The following ZSCAN4 variants were observed in gnomAD, a reference collection of about 807,000 sequenced individuals.
ZSCAN4 encodes zinc finger and SCAN domain-containing protein 4.
A neutral mutation model predicts 18.3 loss-of-function variants in ZSCAN4; 18 were observed. That is an observed-to-expected ratio of 0.98 (90% confidence interval 0.68 to 1.46). The LOEUF is 1.46. Ranked by LOEUF, ZSCAN4 falls within the 40% of genes most tolerant of loss-of-function variation. The pLI, the probability that ZSCAN4 is intolerant of heterozygous loss-of-function variation, is 0.00. For missense variants in ZSCAN4, 498 were observed against 511.4 expected, an observed-to-expected ratio of 0.97 and a Z score of 0.25; for synonymous variants, 193 against 180.3, an observed-to-expected ratio of 1.07 and a Z score of -0.57.
the ZSCAN4 span, among the ~76,000 whole-genome samples, chr19:57,654,565 T>G: frequency 6.6e-6 from 1 of 152,090 alleles, no homozygotes; most frequent in African/African-American, 2.4e-5. Flanking sequence ...CTGTTAAATC[T>G]CTCCACAACA....
intron 2 of ZSCAN4, among the ~76,000 whole-genome samples, chr19:57,673,980 C>T (rs1042876985): frequency 6.6e-6 from 1 of 152,186 alleles, no homozygotes; most frequent in Non-Finnish European, 1.5e-5. Context: ...TCTTGAACTC[C>T]TGGTTTCAAG....
At chr19:57,676,576 C>A (rs1319305725) in intron 3 of ZSCAN4, 35 bp downstream of exon 3, 8 of 1,557,086 alleles carry the variant, frequency 5.1e-6, no homozygotes, top group Non-Finnish European at 6.9e-6. Context: ...GGATGAGAGA[C>A]AAAGGAAAGT....
At chr19:57,661,490 G>A in the ZSCAN4 span, among the ~76,000 whole-genome samples, 2 of 152,056 alleles carry the variant, frequency 1.3e-5, no homozygotes, top group South Asian at 2.1e-4. Context: ...GTCTCCACAG[G>A]TTGATGTATA....
At chr19:57,663,707 CA>C in the ZSCAN4 span, among the ~76,000 whole-genome samples, 47,701 of 87,974 alleles carry the variant, frequency 0.54, 9,096 homozygotes, top group Middle Eastern at 0.62. Context: ...CAACCTGTCT[CA>C]AAAAAAAAAA....
At chr19:57,651,621 G>GTTCCTTCTCCCT in the ZSCAN4 span, among the ~76,000 whole-genome samples, 3 of 152,150 alleles carry the variant, frequency 2.0e-5, no homozygotes, top group Non-Finnish European at 4.4e-5. Context: ...TCTCCATTCC[G>GTTCCTTCTCCCT]TTCCTTCTCC....
chr19:57,663,834 T>C, the ZSCAN4 span, among the ~76,000 whole-genome samples: 1 of 151,584 alleles, frequency 6.6e-6, no homozygotes, highest in Non-Finnish European at 1.5e-5. Flanking sequence ...GATTTTGAAA[T>C]TACTAGAGAA....
chr19:57,673,355 C>T (rs901763975), intron 2 of ZSCAN4, among the ~76,000 whole-genome samples: 8 of 151,992 alleles, frequency 5.3e-5, no homozygotes, highest in African/African-American at 1.7e-4. Context: ...TGAAAGTTTG[C>T]CATAGGCATA....
chr19:57,675,525 G>A lies in ZSCAN4; in HGVS notation c.-105-516G>A, dbSNP rs566025751. 3.5e-4 allele frequency among the ~76,000 whole-genome samples: 54 copies of A among 152,154 alleles called. 1 individual carries two copies. Among genetic ancestry groups the A allele is most frequent in the African/African-American group, 1.3e-3 (53 of 41,506 alleles). On this transcript the variant is annotated intron_variant, in intron 2 of 4. Coordinates refer to ENST00000318203, the Ensembl canonical transcript of ZSCAN4. Reference sequence around the variant, plus strand: ...TCGAACTCCTGACCTCAAGTGATCCGCCCTCCTCGGCCTCCCACAGTTCTG... The same window carrying A: ...TCGAACTCCTGACCTCAAGTGATCCACCCTCCTCGGCCTCCCACAGTTCTG...
the ZSCAN4 span, among the ~76,000 whole-genome samples, chr19:57,659,189 T>C: frequency 6.6e-6 from 1 of 152,184 alleles, no homozygotes; most frequent in African/African-American, 2.4e-5. Context: ...TTACCAACTT[T>C]ACTTCTCAGC....
chr19:57,652,995 C>T, the ZSCAN4 span, among the ~76,000 whole-genome samples: 1 of 152,258 alleles, frequency 6.6e-6, no homozygotes. Context: ...CACCAAGATG[C>T]AGCTCATAAC....
chr19:57,663,063 C>G, the ZSCAN4 span, among the ~76,000 whole-genome samples: 24 of 148,812 alleles, frequency 1.6e-4, no homozygotes, highest in Middle Eastern at 3.4e-3. Context: ...ACCACCACTT[C>G]CAGCTAATTT....
At chr19:57,679,027 T>G in exon 5 of ZSCAN4, 1 of 1,219,286 alleles carries the variant, frequency 8.2e-7, no homozygotes, top group Non-Finnish European at 1.1e-6. Flanking sequence ...TCTTGCTTCA[T>G]TAAAATGTAA....
intron 2 of ZSCAN4, among the ~76,000 whole-genome samples, chr19:57,671,854 C>T (rs1035656184): frequency 3.3e-5 from 5 of 152,166 alleles, no homozygotes; most frequent in South Asian, 2.1e-4. Context: ...GAGATTAACA[C>T]AAAGCAGGAA....
At chr19:57,676,063 C>G in exon 3 of ZSCAN4, 1 of 1,350,222 alleles carries the variant, frequency 7.4e-7, no homozygotes, top group Non-Finnish European at 1.0e-6. Flanking sequence ...AAGAATCCAC[C>G]AACTGTTGAA....
chr19:57,664,188 G>GGAGGACGA (rs1469451290), upstream of ZSCAN4: 1 of 151,898 alleles, frequency 6.6e-6, no homozygotes, highest in Non-Finnish European at 1.5e-5. Context: ...AGGGAGGAAG[G>GGAGGACGA]GAGGACGAGA....
At chr19:57,665,537 T>C (rs1380235419), upstream of ZSCAN4, among the ~76,000 whole-genome samples, 2 of 152,188 alleles carry the variant, frequency 1.3e-5, no homozygotes, top group Admixed American at 1.3e-4. Flanking sequence ...GCAGACAAGT[T>C]CACTGACATC....
upstream of ZSCAN4, among the ~76,000 whole-genome samples, chr19:57,666,023 C>T (rs1983840796): frequency 6.6e-6 from 1 of 152,182 alleles, no homozygotes; most frequent in African/African-American, 2.4e-5. Flanking sequence ...GTTCTTTGCA[C>T]ACAATTTTGA....
exon 5 of ZSCAN4, chr19:57,678,252 G>T (rs1385470871): frequency 1.2e-6 from 2 of 1,614,164 alleles, no homozygotes; most frequent in Non-Finnish European, 1.7e-6. Flanking sequence ...CAATCAAATA[G>T]TTTCCCTAAT....
At chr19:57,660,377 G>A in the ZSCAN4 span, among the ~76,000 whole-genome samples, 1 of 152,184 alleles carries the variant, frequency 6.6e-6, no homozygotes, top group Non-Finnish European at 1.5e-5. Flanking sequence ...TCTTGGTACT[G>A]TGCAGATACC....
Sources: gnomAD v4.1 joint callset for allele counts (sites outside exome capture counted in the v4.1 genomes callset) on GRCh38, gnomAD v4.1.1 for gene constraint, MANE v1.5 for transcripts, NCBI Gene and HGNC (gene_info 2026-07-23, HGNC 2026-07-21) for gene names.